COL14A1: variants seen among roughly 807,000 people sequenced by gnomAD.
COL14A1 encodes the protein collagen type XIV alpha 1 chain, also known as collagen alpha-1(XIV) chain.
In COL14A1, 136 loss-of-function variants were observed where a neutral mutation model predicts 230.3. The ratio of observed to expected loss-of-function variants is 0.59; its 90% CI spans 0.51 to 0.68. The LOEUF (loss-of-function observed/expected upper bound fraction) is 0.68, where lower values mean the gene tolerates loss of function less well. Ranked by LOEUF, COL14A1 falls within the 30% of genes least tolerant of loss-of-function variation. COL14A1 has a pLI of 0.00. For missense variants in COL14A1, 1,976 were observed against 2,215.8 expected, an observed-to-expected ratio of 0.89 and a Z score of 2.17; for synonymous variants, 792 against 784.1, an observed-to-expected ratio of 1.01 and a Z score of -0.17.
intron 32 of COL14A1, among the ~76,000 whole-genome samples, chr8:120,284,769 A>G (rs1563716983): frequency 6.6e-6 from 1 of 152,220 alleles, no homozygotes. Flanking sequence ...TCTTAAAATG[A>G]TTAAGACTAG....
chr8:120,134,373 A>G (rs1814641529), intron 1 of COL14A1, among the ~76,000 whole-genome samples: 1 of 152,150 alleles, frequency 6.6e-6, no homozygotes, highest in Non-Finnish European at 1.5e-5. Context: ...ACCTGTGATC[A>G]AAAGGTAAAT....
chr8:120,321,119 A>T (rs143223447), intron 40 of COL14A1, among the ~76,000 whole-genome samples: 159 of 152,274 alleles, frequency 1.0e-3, no homozygotes, highest in African/African-American at 3.7e-3. Context: ...CTCAAAAGAG[A>T]TATTTAATAA....
intron 5 of COL14A1, among the ~76,000 whole-genome samples, chr8:120,182,812 C>T (rs1007425842): frequency 6.5e-4 from 96 of 146,912 alleles, no homozygotes; most frequent in African/African-American, 2.0e-3. Flanking sequence ...CTGCAACCTT[C>T]GCCCCTGGGG....
intron 34 of COL14A1, among the ~76,000 whole-genome samples, chr8:120,295,369 G>A (rs1483051749): frequency 4.6e-5 from 7 of 151,746 alleles, no homozygotes; most frequent in Admixed American, 6.6e-5. Context: ...ATGTGATTAC[G>A]TTATTTAAAC....
intron 36 of COL14A1, among the ~76,000 whole-genome samples, chr8:120,306,083 C>T (rs1235446534): frequency 1.3e-5 from 2 of 152,138 alleles, no homozygotes; most frequent in African/African-American, 2.4e-5. Context: ...CAAGCCTCAG[C>T]CATCTTTCCC....
At chr8:120,285,789 G>C in intron 32 of COL14A1, 72 bp from the exon 33 acceptor site, 1 of 951,430 alleles carries the variant, frequency 1.1e-6, no homozygotes, top group East Asian at 2.6e-5. Flanking sequence ...GTTTTGTTTT[G>C]AGTTGAATTT....
Position 120,296,100 on chromosome 8 carries a change from TTTTG to T in COL14A1, c.4237-1398_4237-1395del, listed in dbSNP as rs1028619410. Among the ~76,000 whole-genome samples the T allele has an allele frequency of 2.2e-4, 34 of 151,946 alleles. 1 individual carries two copies. Among genetic ancestry groups the T allele is most frequent in the Admixed American group, 2.0e-4 (3 of 15,214 alleles). On this transcript the variant is annotated intron_variant, in intron 34 of 47. Transcript: ENST00000297848. The stretch of plus-strand genomic sequence containing the variant: ...AACTTAATTTTTTATTGGACATAAT[TTTTG>T]TTTGTTTGTTTGCCCTGGACAGTCT...
intron 26 of COL14A1, among the ~76,000 whole-genome samples, chr8:120,272,136 AT>A (rs1819686771): frequency 6.6e-6 from 1 of 151,754 alleles, no homozygotes; most frequent in Non-Finnish European, 1.5e-5. Context: ...TTAGGGTCCT[AT>A]TTTTAGCCTC....
At position 120,197,891 on chromosome 8, in the gene COL14A1, G is replaced by C. The variant is rs982240916; in HGVS notation, c.673G>C (p.Val225Leu). The change falls in exon 7 of 48, where the codon GTC (valine) becomes CTC (leucine). Residue 225 changes from valine (V) to leucine (L), a missense_variant. Coordinates refer to ENST00000297848, the MANE Select transcript of COL14A1 (RefSeq NM_021110.4). Reference sequence around the variant, plus strand: ...CACAAAAGATGAAGTGATTGAAGCTGTCCGAAACCTCCCATATAAAGGAGG... The same window carrying C: ...CACAAAAGATGAAGTGATTGAAGCTCTCCGAAACCTCCCATATAAAGGAGG... ...FSTKDEVIEAVRNLPYKGGNT... is the reference protein window; with the variant it reads ...FSTKDEVIEALRNLPYKGGNT... The C allele has an allele frequency of 6.2e-7, 1 of 1,613,650 alleles. No homozygotes were observed. The highest frequency in any genetic ancestry group is 8.5e-7 in the Non-Finnish European group (1 of 1,179,672).
At chr8:120,217,926 C>T (rs369174530) in intron 14 of COL14A1, among the ~76,000 whole-genome samples, 115 of 145,640 alleles carry the variant, frequency 7.9e-4, no homozygotes, top group African/African-American at 2.8e-3. Flanking sequence ...TTTTGCTTGA[C>T]ACATGAGGCT....
chr8:120,286,238 G>A (rs542336218), intron 33 of COL14A1, among the ~76,000 whole-genome samples: 3 of 152,022 alleles, frequency 2.0e-5, no homozygotes, highest in African/African-American at 7.2e-5. Flanking sequence ...TTAAGGATAT[G>A]GCATTACCAA....
intron 5 of COL14A1, among the ~76,000 whole-genome samples, chr8:120,196,269 T>C (rs572740068): frequency 1.6e-3 from 248 of 152,356 alleles, no homozygotes; most frequent in Admixed American, 6.4e-3. Context: ...CTTCCTACTT[T>C]AGAAAAAGTC....
intron 5 of COL14A1, among the ~76,000 whole-genome samples, chr8:120,184,508 G>C (rs930902164): frequency 6.6e-6 from 1 of 152,022 alleles, no homozygotes; most frequent in African/African-American, 2.4e-5. Context: ...GCCCGCCTCC[G>C]CCTCCCAAAG....
intron 5 of COL14A1, among the ~76,000 whole-genome samples, chr8:120,169,630 T>G (rs1816034845): frequency 6.6e-6 from 1 of 152,108 alleles, no homozygotes. Flanking sequence ...TTTCTCCTGG[T>G]GTATAATTTG....
intron 43 of COL14A1, among the ~76,000 whole-genome samples, 155 bp from the exon 44 acceptor site, chr8:120,342,225 T>A (rs1822323085): frequency 6.6e-6 from 1 of 152,186 alleles, no homozygotes; most frequent in Non-Finnish European, 1.5e-5. Flanking sequence ...GCTTACCCCT[T>A]CTCTGCATGC....
intron 17 of COL14A1, among the ~76,000 whole-genome samples, chr8:120,228,486 G>T (rs1327066946): frequency 1.3e-5 from 2 of 152,170 alleles, no homozygotes; most frequent in Non-Finnish European, 1.5e-5. Flanking sequence ...CCTGGTATCT[G>T]TGATGAGAAA....
At chr8:120,233,188 T>C (rs145372708) in intron 19 of COL14A1, among the ~76,000 whole-genome samples, 3,957 of 152,282 alleles carry the variant, frequency 0.026, 72 homozygotes, top group Non-Finnish European at 0.032. Context: ...GATGAGTAGA[T>C]TGCAAAAATT....
chr8:120,172,516 G>A (rs919975613), intron 5 of COL14A1, among the ~76,000 whole-genome samples: 3 of 152,154 alleles, frequency 2.0e-5, no homozygotes, highest in African/African-American at 7.2e-5. Context: ...TTAGGATGAT[G>A]TGTCACTTTG....
chr8:120,128,153 C>A (rs960359141), intron 1 of COL14A1, among the ~76,000 whole-genome samples: 3 of 151,942 alleles, frequency 2.0e-5, no homozygotes, highest in African/African-American at 7.3e-5. Context: ...AGTTACTTTT[C>A]TGTATACACT....
Sources: gnomAD v4.1 joint callset for allele counts (sites outside exome capture counted in the v4.1 genomes callset) on GRCh38, gnomAD v4.1.1 for gene constraint, MANE v1.5 for transcripts, NCBI Gene and HGNC (gene_info 2026-07-23, HGNC 2026-07-21) for gene names.